ANOS1: variants seen among roughly 807,000 people sequenced by gnomAD.
ANOS1 encodes the protein anosmin-1.
ANOS1 carries 6 observed loss-of-function variants against 59.0 expected under a neutral mutation model. The ratio of observed to expected loss-of-function variants is 0.10; its 90% CI spans 0.06 to 0.20. ANOS1 has a LOEUF of 0.20. Ranked by LOEUF, ANOS1 falls within the 10% of genes least tolerant of loss-of-function variation. The pLI is 1.00. For synonymous variants in ANOS1, 217 were observed against 223.4 expected, an observed-to-expected ratio of 0.97 and a Z score of 0.25; for missense variants, 433 against 542.3, an observed-to-expected ratio of 0.80 and a Z score of 2.00.
intron 9 of ANOS1, among the ~76,000 whole-genome samples, chrX:8,545,705 G>A (rs1929762638): frequency 9.0e-6 from 1 of 111,718 alleles, no homozygotes; most frequent in African/African-American, 3.2e-5. Context: ...AACTGAAACT[G>A]TCTCTGAAAA....
At chrX:8,540,189 C>A (rs1283498897) in intron 9 of ANOS1, among the ~76,000 whole-genome samples, 4 of 111,505 alleles carry the variant, frequency 3.6e-5, no homozygotes, top group Non-Finnish European at 7.5e-5. Flanking sequence ...AGAAGTTTCT[C>A]AATCCTACCT....
intron 6 of ANOS1, among the ~76,000 whole-genome samples, chrX:8,570,914 A>G: frequency 9.1e-6 from 1 of 110,364 alleles, no homozygotes. Context: ...GAGTTTGAGG[A>G]CAGCCTGGGC....
intron 8 of ANOS1, among the ~76,000 whole-genome samples, chrX:8,555,094 T>C (rs760433581): frequency 4.5e-5 from 5 of 111,575 alleles, no homozygotes; most frequent in African/African-American, 1.6e-4. Context: ...ACCATACAAC[T>C]ACATGGAAAC....
At chrX:8,604,321 C>T (rs770270536) in intron 3 of ANOS1, among the ~76,000 whole-genome samples, 1 of 111,400 alleles carries the variant, frequency 9.0e-6, no homozygotes, top group Admixed American at 9.6e-5. Context: ...CAGGCATGGA[C>T]CCTGGAAACT....
At chrX:8,674,669 C>A (rs1021868184) in intron 2 of ANOS1, among the ~76,000 whole-genome samples, 3 of 112,541 alleles carry the variant, frequency 2.7e-5, no homozygotes, top group Non-Finnish European at 5.6e-5. Flanking sequence ...CATTCAAAGC[C>A]GTCCTGGGCC....
chrX:8,608,979 G>A (rs1008468225), intron 3 of ANOS1, among the ~76,000 whole-genome samples: 1 of 112,304 alleles, frequency 8.9e-6, no homozygotes, highest in Non-Finnish European at 1.9e-5. Context: ...CTTTATAGCA[G>A]TATGAAAACA....
At chrX:8,616,588 T>C (rs1464759965) in intron 3 of ANOS1, among the ~76,000 whole-genome samples, 2 of 111,504 alleles carry the variant, frequency 1.8e-5, no homozygotes, top group African/African-American at 6.5e-5. Context: ...ACCAAACTTC[T>C]GGTCTATTCT....
chrX:8,684,383 T>C (rs141477469), intron 2 of ANOS1, among the ~76,000 whole-genome samples: 1 of 111,241 alleles, frequency 9.0e-6, no homozygotes, highest in Non-Finnish European at 1.9e-5. Context: ...ATTATTTCTG[T>C]GCCCAAAGAG....
intron 1 of ANOS1, among the ~76,000 whole-genome samples, chrX:8,706,696 C>G (rs2146902996): frequency 9.0e-6 from 1 of 111,509 alleles, no homozygotes; most frequent in East Asian, 2.8e-4. Context: ...TGCTGTGAAC[C>G]TAAAACTGCT....
rs186075103 is a variant in ANOS1, at chrX:8,622,215, G to A, written c.318+1393C>T. On this transcript the variant is annotated intron_variant, in intron 3 of 13. Transcript: ENST00000262648. ...AGTCTTTCTACCTGGAGGGTTGACCGTTGACAAGCCATTCGTCTGAGGAGC... is the reference window on the plus strand; with the variant it reads ...AGTCTTTCTACCTGGAGGGTTGACCATTGACAAGCCATTCGTCTGAGGAGC... Among the ~76,000 whole-genome samples, 17 of 111,574 alleles carry A rather than the reference G, an allele frequency of 1.5e-4. No homozygotes were observed. In the East Asian group the frequency reaches 4.0e-3, roughly 26 times the overall value.
intron 6 of ANOS1, among the ~76,000 whole-genome samples, chrX:8,578,120 C>T (rs5934449): frequency 0.23 from 25,899 of 110,269 alleles, 2,757 homozygotes; most frequent in Middle Eastern, 0.4. Flanking sequence ...CGCACTGAAA[C>T]GCATCATAAG....
intron 2 of ANOS1, among the ~76,000 whole-genome samples, chrX:8,673,304 C>T (rs1932285804): frequency 9.4e-6 from 1 of 106,502 alleles, no homozygotes; most frequent in African/African-American, 3.4e-5. Context: ...TCTTTGCTTA[C>T]TGATGTCATC....
chrX:8,614,131 T>C (rs1259860782), intron 3 of ANOS1, among the ~76,000 whole-genome samples: 1 of 111,593 alleles, frequency 9.0e-6, no homozygotes, highest in Non-Finnish European at 1.9e-5. Flanking sequence ...ATATTTACAT[T>C]TCCTTCACCC....
intron 2 of ANOS1, among the ~76,000 whole-genome samples, chrX:8,662,756 T>A (rs1432693612): frequency 8.9e-6 from 1 of 112,387 alleles, no homozygotes; most frequent in Non-Finnish European, 1.9e-5. Flanking sequence ...GTGCCGTGGC[T>A]CACGCCTGTA....
Position 8,534,398 on chromosome X carries a change from T to A in ANOS1, c.1905A>T (p.Gln635His). ...RPSTLYRLEV[Q>H]VLTPGGEGPA... ...GCCCCTCCCCTCCTGGGGTCAGCAC[T>A]TGCACTTCCAGTCGGTAAAGAGTAG... The change falls in exon 13 of 14, where the codon CAA becomes CAT. Residue 635 changes from glutamine to histidine, a missense_variant. Gln to His is a conservative substitution (Grantham distance 24). Transcript: ENST00000262648. 8.3e-7 allele frequency: 1 copy of A among 1,210,412 alleles called. No homozygotes were observed. The highest frequency in any genetic ancestry group is 3.0e-5 in the East Asian group (1 of 33,795).
intron 2 of ANOS1, among the ~76,000 whole-genome samples, chrX:8,666,012 G>GA (rs1341833455): frequency 1.8e-5 from 2 of 109,718 alleles, no homozygotes; most frequent in Non-Finnish European, 3.8e-5. Context: ...GACCAGCCTG[G>GA]GAGACATAGC....
intron 2 of ANOS1, among the ~76,000 whole-genome samples, chrX:8,689,776 A>C (rs1315661475): frequency 5.1e-4 from 50 of 97,910 alleles, no homozygotes; most frequent in African/African-American, 1.9e-3. Context: ...AAAAAAAAAC[A>C]AAAAAAAAAA....
chrX:8,641,035 A>G (rs17306902), intron 2 of ANOS1, among the ~76,000 whole-genome samples: 4,842 of 112,342 alleles, frequency 0.043, 120 homozygotes, highest in Admixed American at 0.11. Flanking sequence ...ATGTCAGCCT[A>G]TATGCAAGAA....
At chrX:8,686,772 C>T (rs1932528384) in intron 2 of ANOS1, among the ~76,000 whole-genome samples, 3 of 110,795 alleles carry the variant, frequency 2.7e-5, no homozygotes, top group South Asian at 3.8e-4. Context: ...GCCAACATAG[C>T]GAAACCCCCA....
Sources: allele counts gnomAD v4.1 joint callset (sites outside exome capture counted in the v4.1 genomes callset), GRCh38; gene constraint gnomAD v4.1.1; transcripts MANE v1.5; gene names NCBI Gene and HGNC (gene_info 2026-07-23, HGNC 2026-07-21).